The following PTPRD variants were observed in gnomAD, a reference collection of about 807,000 sequenced individuals.
PTPRD encodes protein tyrosine phosphatase receptor type D.
Under a neutral mutation model 214.5 loss-of-function variants are expected in PTPRD, and 34 were observed. The ratio of observed to expected loss-of-function variants is 0.16; its 90% confidence interval spans 0.12 to 0.21. The LOEUF (loss-of-function observed/expected upper bound fraction) is 0.21. PTPRD is among the 10% of genes least tolerant of loss of function. The pLI is 1.00. For missense variants in PTPRD, 2,545 were observed against 2,398.7 expected, an observed-to-expected ratio of 1.06 and a Z score of -1.27; for synonymous variants, 1,128 against 845.7, an observed-to-expected ratio of 1.33 and a Z score of -5.79.
At chr9:9,644,445 A>C (rs918087196) in intron 7 of PTPRD, among the ~76,000 whole-genome samples, 5 of 152,224 alleles carry the variant, frequency 3.3e-5, no homozygotes, top group Admixed American at 1.3e-4. Flanking sequence ...CATTATTTTC[A>C]AATTATTTGG....
chr9:9,953,497 CA>C (rs2093636238), intron 4 of PTPRD, among the ~76,000 whole-genome samples: 1 of 115,452 alleles, frequency 8.7e-6, no homozygotes, highest in East Asian at 3.3e-4. Flanking sequence ...ATTGTGGACA[CA>C]CACACACACA....
intron 11 of PTPRD, among the ~76,000 whole-genome samples, chr9:8,958,232 T>G (rs747803164): frequency 1.8e-4 from 27 of 151,922 alleles, no homozygotes; most frequent in Non-Finnish European, 2.2e-4. Context: ...CTCATTTGCT[T>G]CTTTGTGTCC....
chr9:9,038,213 G>T (rs1046357563), intron 10 of PTPRD, among the ~76,000 whole-genome samples: 4 of 152,084 alleles, frequency 2.6e-5, no homozygotes, highest in African/African-American at 4.8e-5. Flanking sequence ...GGGTGAGCAG[G>T]TGGGGAGAAA....
chr9:9,980,877 A>T (rs1468096765), intron 4 of PTPRD, among the ~76,000 whole-genome samples: 1 of 150,986 alleles, frequency 6.6e-6, no homozygotes, highest in Non-Finnish European at 1.5e-5. Context: ...AAAAAATGCT[A>T]ATTTAACCAT....
In PTPRD at chr9:10,570,881, CTTT is replaced by C. The variant is rs113757928; in HGVS notation, c.-600+41514_-600+41516del. ...CCCAGTTGCAAACAAGGTGAGTCTT[CTTT>C]TTTTTTTTTTGTACAGGGTTACTAT... On this transcript the variant is annotated intron_variant, in intron 2 of 45. Transcript: ENST00000381196. Among the ~76,000 whole-genome samples the C allele has an allele frequency of 2.0e-3, 287 of 140,860 alleles. 1 individual carries two copies. Among genetic ancestry groups the C allele is most frequent in the African/African-American group, 7.3e-3 (282 of 38,372 alleles). 92.4% of individuals were successfully genotyped at this position (140,860 alleles called of 152,430 possible). A position where few individuals can be genotyped will look rare whatever the true frequency, so the allele number is the denominator to read the frequency against.
At chr9:8,735,371 T>C (rs1296864275) in intron 11 of PTPRD, among the ~76,000 whole-genome samples, 3 of 151,752 alleles carry the variant, frequency 2.0e-5, no homozygotes, top group African/African-American at 7.3e-5. Context: ...CTCAAACTCC[T>C]GGCATCAAGT....
chr9:8,862,947 G>A (rs937889268), intron 11 of PTPRD, among the ~76,000 whole-genome samples: 5 of 152,154 alleles, frequency 3.3e-5, no homozygotes, highest in African/African-American at 7.2e-5. Context: ...GGAGAGCATC[G>A]GGAGATATAC....
chr9:9,723,453 A>T (rs1240763174), intron 7 of PTPRD, among the ~76,000 whole-genome samples: 1 of 152,054 alleles, frequency 6.6e-6, no homozygotes, highest in Non-Finnish European at 1.5e-5. Context: ...AAATTTTGAA[A>T]TCAGAAACTA....
At chr9:10,061,964 T>C (rs571509616) in intron 3 of PTPRD, among the ~76,000 whole-genome samples, 6 of 152,018 alleles carry the variant, frequency 3.9e-5, no homozygotes, top group Admixed American at 2.6e-4. Context: ...GGAAATGGAG[T>C]CTGGTGATCT....
chr9:10,257,482 T>C (rs544864243), intron 3 of PTPRD, among the ~76,000 whole-genome samples: 2 of 152,170 alleles, frequency 1.3e-5, no homozygotes, highest in Non-Finnish European at 2.9e-5. Flanking sequence ...GTAAACAGTA[T>C]GCATCATATC....
rs542721525 is a variant in PTPRD at position 8,970,231 on chromosome 9, A to C, written c.-104+48466T>G. 5.9e-5 allele frequency among the ~76,000 whole-genome samples: 9 copies of C among 152,114 alleles called. No homozygotes were observed. In the East Asian group the frequency reaches 1.7e-3, roughly 29 times the overall value. On this transcript the variant is annotated intron_variant, in intron 11 of 45. Transcript: ENST00000381196. Reference sequence around the variant, plus strand: ...AGGCTAGTGCTATGGGCTTATCAGCATAATTTACATATTAAATAAAAGAGC... The same window carrying C: ...AGGCTAGTGCTATGGGCTTATCAGCCTAATTTACATATTAAATAAAAGAGC...
Position 9,690,623 on chromosome 9 carries a change from T to C in PTPRD, c.-287+43910A>G, listed in dbSNP as rs533271807. ...TAGTTTTAAGTCTTAGATTTAAGCC[T>C]TATTCCATTTTGATTTGTTTTATAT... On this transcript the variant is annotated intron_variant, in intron 7 of 45. Transcript: ENST00000381196. Among the ~76,000 whole-genome samples, 10 of 152,126 alleles carry C rather than the reference T, an allele frequency of 6.6e-5. 1 individual carries two copies. The East Asian group carries it at 1.9e-3, about 29-fold the overall frequency.
At chr9:8,367,271 G>C (rs1216058479) in intron 39 of PTPRD, among the ~76,000 whole-genome samples, 1 of 151,908 alleles carries the variant, frequency 6.6e-6, no homozygotes, top group Non-Finnish European at 1.5e-5. Flanking sequence ...TTATCGTTTG[G>C]ACCCAATAAT....
At chr9:8,424,798 AAGTTTAGAGGACTGATG>A (rs1409799609) in intron 35 of PTPRD, among the ~76,000 whole-genome samples, 1 of 152,130 alleles carries the variant, frequency 6.6e-6, no homozygotes, top group Non-Finnish European at 1.5e-5. Flanking sequence ...CCACTGGTTG[AAGTTTAGAGGACTGATG>A]AGTGCCTGCT....
At chr9:10,522,306 A>G (rs2052605761) in intron 2 of PTPRD, among the ~76,000 whole-genome samples, 1 of 152,170 alleles carries the variant, frequency 6.6e-6, no homozygotes, top group Non-Finnish European at 1.5e-5. Context: ...CTGAATACAC[A>G]GCCCTCAAGT....
At chr9:9,237,040 C>A (rs1302241327) in intron 9 of PTPRD, among the ~76,000 whole-genome samples, 2 of 152,102 alleles carry the variant, frequency 1.3e-5, no homozygotes, top group African/African-American at 4.8e-5. Flanking sequence ...GTTTGACTTT[C>A]TCTACTAAGC....
At chr9:8,732,162 T>A (rs866461106) in intron 12 of PTPRD, among the ~76,000 whole-genome samples, 3 of 152,326 alleles carry the variant, frequency 2.0e-5, no homozygotes, top group African/African-American at 7.2e-5. Context: ...CAAACACAAT[T>A]TTAAAAGTCT....
At chr9:10,373,505 CA>C (rs1363774242) in intron 2 of PTPRD, among the ~76,000 whole-genome samples, 1 of 152,024 alleles carries the variant, frequency 6.6e-6, no homozygotes, top group Non-Finnish European at 1.5e-5. Flanking sequence ...AAACAGCATA[CA>C]AGTGTTTGAA....
intron 2 of PTPRD, among the ~76,000 whole-genome samples, chr9:10,568,072 C>G (rs577149691): frequency 1.3e-5 from 2 of 151,192 alleles, no homozygotes; most frequent in Non-Finnish European, 2.9e-5. Context: ...CCCATTAACT[C>G]GTCATTTAGC....
Sources: allele counts gnomAD v4.1 joint callset (sites outside exome capture counted in the v4.1 genomes callset), GRCh38; gene constraint gnomAD v4.1.1; transcripts MANE v1.5; gene names NCBI Gene and HGNC (gene_info 2026-07-23, HGNC 2026-07-21).